KCNIP4: variants seen among roughly 807,000 people sequenced by gnomAD.
KCNIP4 encodes potassium voltage-gated channel interacting protein 4.
KCNIP4 carries 12 observed loss-of-function variants against 34.0 expected under a neutral mutation model. That is an observed-to-expected ratio of 0.35 (90% CI 0.23 to 0.57). The LOEUF (loss-of-function observed/expected upper bound fraction) is 0.57. Ranked by LOEUF, KCNIP4 falls within the 20% of genes least tolerant of loss-of-function variation. The probability of loss-of-function intolerance (pLI) is 0.83; values close to 1 mark genes in which losing one functional copy is unlikely to be tolerated. For synonymous variants in KCNIP4, 124 were observed against 102.2 expected (o/e 1.21, Z -1.29); for missense variants, 238 against 311.7 (o/e 0.76, Z 1.78).
intron 1 of KCNIP4, among the ~76,000 whole-genome samples, chr4:21,816,672 G>A (rs995748112): frequency 1.3e-5 from 2 of 152,112 alleles, no homozygotes. Context: ...ATGAGGATTT[G>A]TTATGAGGAC....
intron 1 of KCNIP4, among the ~76,000 whole-genome samples, chr4:21,087,816 T>A (rs1385892083): frequency 6.6e-6 from 1 of 152,216 alleles, no homozygotes; most frequent in Non-Finnish European, 1.5e-5. Context: ...TCTTCATTTC[T>A]GTTTATTCTT....
intron 1 of KCNIP4, among the ~76,000 whole-genome samples, chr4:21,290,962 T>C (rs1258823376): frequency 6.6e-6 from 1 of 152,178 alleles, no homozygotes; most frequent in African/African-American, 2.4e-5. Flanking sequence ...ATGAGCTGGA[T>C]CCAGCTGAGG....
intron 1 of KCNIP4, among the ~76,000 whole-genome samples, chr4:21,356,992 G>A (rs1203449892): frequency 1.3e-5 from 2 of 152,034 alleles, no homozygotes; most frequent in South Asian, 2.1e-4. Flanking sequence ...GAACAGAACA[G>A]AGCCCACAGA....
At chr4:20,927,624 C>A (rs1245829454) in intron 1 of KCNIP4, among the ~76,000 whole-genome samples, 1 of 151,912 alleles carries the variant, frequency 6.6e-6, no homozygotes, top group Admixed American at 6.6e-5. Flanking sequence ...ACTTTACCCC[C>A]AAAAAATTAA....
chr4:21,587,190 G>C (rs1012934208), intron 1 of KCNIP4, among the ~76,000 whole-genome samples: 5 of 151,932 alleles, frequency 3.3e-5, no homozygotes, highest in Admixed American at 1.3e-4. Context: ...ATTATCTGAG[G>C]GCAGATGTGT....
At chr4:21,545,346 T>C (rs1738054425) in intron 1 of KCNIP4, among the ~76,000 whole-genome samples, 1 of 152,208 alleles carries the variant, frequency 6.6e-6, no homozygotes, top group Non-Finnish European at 1.5e-5. Flanking sequence ...TCGGGGCTGC[T>C]CTGCCCATGG....
chr4:21,716,784 G>C (rs999484300), intron 1 of KCNIP4, among the ~76,000 whole-genome samples: 1 of 152,100 alleles, frequency 6.6e-6, no homozygotes, highest in Non-Finnish European at 1.5e-5. Context: ...TTGTTGAAGG[G>C]AACAAATGGC....
chr4:21,008,219 C>T (rs1041038383), intron 1 of KCNIP4, among the ~76,000 whole-genome samples: 3 of 152,146 alleles, frequency 2.0e-5, no homozygotes, highest in Non-Finnish European at 4.4e-5. Context: ...AAGAATCCAC[C>T]GGAGAACTGC....
intron 1 of KCNIP4, among the ~76,000 whole-genome samples, chr4:21,528,804 G>GAAGA (rs1736378366): frequency 7.1e-5 from 1 of 13,988 alleles, no homozygotes. Flanking sequence ...AGGAAGAAAG[G>GAAGA]AAGGAAGGAA....
At chr4:21,303,456 G>A (rs879867652) in intron 1 of KCNIP4, among the ~76,000 whole-genome samples, 4 of 151,992 alleles carry the variant, frequency 2.6e-5, no homozygotes, top group Non-Finnish European at 4.4e-5. Context: ...AAAATTTGCC[G>A]ATACAATAAA....
intron 1 of KCNIP4, among the ~76,000 whole-genome samples, chr4:21,109,674 A>G (rs1748973502): frequency 6.6e-6 from 1 of 152,178 alleles, no homozygotes; most frequent in Non-Finnish European, 1.5e-5. Context: ...GGAAATGCAG[A>G]AATCACCCGT....
At chr4:21,501,688 T>TGTGTGTGTGTGTGTGTG (rs1553893355) in intron 1 of KCNIP4, among the ~76,000 whole-genome samples, 2 of 127,218 alleles carry the variant, frequency 1.6e-5, no homozygotes, top group African/African-American at 3.1e-5. Flanking sequence ...TGCAGAAGCC[T>TGTGTGTGTGTGTGTGTG]TGTGTGTGTG....
At chr4:21,814,874 T>C (rs1418552329) in intron 1 of KCNIP4, among the ~76,000 whole-genome samples, 5 of 152,134 alleles carry the variant, frequency 3.3e-5, no homozygotes, top group African/African-American at 1.2e-4. Context: ...ACAGAAACAA[T>C]TAAAATTGAC....
chr4:20,938,346 A>T (rs1242896725), intron 1 of KCNIP4, among the ~76,000 whole-genome samples: 1 of 152,060 alleles, frequency 6.6e-6, no homozygotes, highest in Non-Finnish European at 1.5e-5. Context: ...GCTATATTTC[A>T]TGAAGACAAA....
At chr4:20,964,899 A>AT (rs2149666484) in intron 1 of KCNIP4, among the ~76,000 whole-genome samples, 1 of 152,166 alleles carries the variant, frequency 6.6e-6, no homozygotes, top group East Asian at 1.9e-4. Context: ...TTTTGGAGAG[A>AT]TTTTTTCAAT....
intron 1 of KCNIP4, among the ~76,000 whole-genome samples, chr4:20,970,545 T>A (rs947883685): frequency 6.6e-6 from 1 of 152,114 alleles, no homozygotes; most frequent in Non-Finnish European, 1.5e-5. Context: ...CCACTGGACA[T>A]TTGGCAGTGC....
intron 1 of KCNIP4, among the ~76,000 whole-genome samples, chr4:21,270,287 G>C (rs751093279): frequency 6.6e-6 from 1 of 152,148 alleles, no homozygotes; most frequent in African/African-American, 2.4e-5. Context: ...GGTTAAGGAA[G>C]GTATGAGGTA....
At chr4:21,218,622 A>G (rs28491044) in intron 1 of KCNIP4, among the ~76,000 whole-genome samples, 4 of 152,154 alleles carry the variant, frequency 2.6e-5, no homozygotes, top group African/African-American at 9.7e-5. Flanking sequence ...ACCATGAGGA[A>G]ATCTATGCAC....
chr4:20,911,235 G>A (rs780373466), intron 1 of KCNIP4, among the ~76,000 whole-genome samples: 2 of 152,092 alleles, frequency 1.3e-5, no homozygotes, highest in Non-Finnish European at 2.9e-5. Context: ...TATTTTATAT[G>A]ACCAACATTA....
Sources: gnomAD v4.1 joint callset for allele counts (sites outside exome capture counted in the v4.1 genomes callset) on GRCh38, gnomAD v4.1.1 for gene constraint, MANE v1.5 for transcripts, NCBI Gene and HGNC (gene_info 2026-07-23, HGNC 2026-07-21) for gene names.